TAFA4: variants seen among roughly 807,000 people sequenced by gnomAD.
TAFA4 encodes the protein TAFA chemokine like family member 4.
Under a neutral mutation model 21.1 loss-of-function variants are expected in TAFA4, and 20 were observed. The ratio of observed to expected loss-of-function variants is 0.95; its 90% CI spans 0.67 to 1.38. The LOEUF is 1.38. Among genes scored for constraint, TAFA4 ranks in the 40% most tolerant of loss-of-function variants. The probability of loss-of-function intolerance (pLI) is 0.00; values close to 1 mark genes in which losing one functional copy is unlikely to be tolerated. For missense variants in TAFA4, 211 were observed against 180.9 expected (o/e 1.17, Z -0.95); for synonymous variants, 71 against 67.4 (o/e 1.05, Z -0.26).
At chr3:68,874,168 T>C (rs2089520017) in intron 3 of TAFA4, among the ~76,000 whole-genome samples, 1 of 152,196 alleles carries the variant, frequency 6.6e-6, no homozygotes, top group African/African-American at 2.4e-5. Flanking sequence ...ATAGTTCTTA[T>C]CTGATTTCAG....
At chr3:68,916,902 A>T (rs1462199823) in intron 1 of TAFA4, among the ~76,000 whole-genome samples, 1 of 152,074 alleles carries the variant, frequency 6.6e-6, no homozygotes, top group African/African-American at 2.4e-5. Context: ...ACCACCCAAA[A>T]CTTCTACATA....
chr3:68,746,320 A>G (rs1032691715), intron 4 of TAFA4, among the ~76,000 whole-genome samples: 3 of 150,656 alleles, frequency 2.0e-5, no homozygotes, highest in Non-Finnish European at 4.4e-5. Flanking sequence ...ACTCCCCTTC[A>G]TATATACATC....
At chr3:68,735,864 T>C (rs1043139161) in intron 5 of TAFA4, among the ~76,000 whole-genome samples, 7 of 152,084 alleles carry the variant, frequency 4.6e-5, no homozygotes, top group African/African-American at 1.7e-4. Flanking sequence ...GTCAAATAAT[T>C]GTTGTAGAAG....
At chr3:68,863,905 CT>C (rs1188632596) in intron 3 of TAFA4, among the ~76,000 whole-genome samples, 1 of 152,172 alleles carries the variant, frequency 6.6e-6, no homozygotes, top group East Asian at 1.9e-4. Flanking sequence ...ATAATGAGCA[CT>C]TTTTTACCTA....
At chr3:68,744,593 C>G (rs1037135911) in intron 4 of TAFA4, among the ~76,000 whole-genome samples, 8 of 152,248 alleles carry the variant, frequency 5.3e-5, no homozygotes, top group African/African-American at 1.7e-4. Context: ...CCAGTCAGCA[C>G]TTACTTACTG....
intron 3 of TAFA4, among the ~76,000 whole-genome samples, chr3:68,847,713 C>G (rs1704842754): frequency 6.6e-6 from 1 of 152,118 alleles, no homozygotes; most frequent in Non-Finnish European, 1.5e-5. Flanking sequence ...AGTGCACTGT[C>G]CAAGAGGAAC....
intron 3 of TAFA4, among the ~76,000 whole-genome samples, chr3:68,823,763 C>T (rs1031948055): frequency 1.2e-4 from 18 of 152,168 alleles, no homozygotes; most frequent in Non-Finnish European, 2.6e-4. Flanking sequence ...TCATTCACGT[C>T]CCTACAAAGG....
At chr3:68,931,422 G>C (rs1337782630) in intron 1 of TAFA4, among the ~76,000 whole-genome samples, 4 of 152,242 alleles carry the variant, frequency 2.6e-5, no homozygotes, top group East Asian at 1.9e-4. Flanking sequence ...ATGCTGATTC[G>C]AGAAGAAAAC....
At chr3:68,788,341 C>G (rs1703300021) in intron 3 of TAFA4, among the ~76,000 whole-genome samples, 1 of 152,208 alleles carries the variant, frequency 6.6e-6, no homozygotes, top group Admixed American at 6.5e-5. Context: ...CATTCTTACC[C>G]CAGATATCAT....
chr3:68,748,513 C>G (rs1035342044), intron 4 of TAFA4, among the ~76,000 whole-genome samples: 1 of 152,122 alleles, frequency 6.6e-6, no homozygotes, highest in Non-Finnish European at 1.5e-5. Flanking sequence ...GAGGCCAAGG[C>G]GGGTGGATCA....
Position 68,794,587 on chromosome 3 carries a change from T to C in TAFA4, c.131-41569A>G, listed in dbSNP as rs114473214. On this transcript the variant is annotated intron_variant, in intron 3 of 5. Coordinates refer to ENST00000295569, the MANE Select transcript of TAFA4 (RefSeq NM_182522.5). ...TTTCTGTGACTCCCTCTTTTCATCA[T>C]ATTGCTTTCAAAATTCCACACTGTG... Among the ~76,000 whole-genome samples the C allele has an allele frequency of 4.6e-3, 707 of 152,266 alleles. 3 individuals carry two copies. The highest frequency in any genetic ancestry group is 0.016 in the African/African-American group (674 of 41,550).
At chr3:68,806,842 T>C (rs962198810) in intron 3 of TAFA4, among the ~76,000 whole-genome samples, 1 of 152,148 alleles carries the variant, frequency 6.6e-6, no homozygotes, top group African/African-American at 2.4e-5. Context: ...TAGAACCTAA[T>C]CTTGGCTTCC....
intron 1 of TAFA4, among the ~76,000 whole-genome samples, chr3:68,889,111 A>C (rs1432993315): frequency 6.6e-6 from 1 of 152,222 alleles, no homozygotes; most frequent in East Asian, 1.9e-4. Flanking sequence ...CAGTGTTTTC[A>C]ATGATGAAAG....
At chr3:68,839,934 T>C (rs1299018438) in intron 3 of TAFA4, among the ~76,000 whole-genome samples, 1 of 152,190 alleles carries the variant, frequency 6.6e-6, no homozygotes, top group African/African-American at 2.4e-5. Context: ...AATGAAGCAC[T>C]AGCCACAGAC....
Position 68,891,739 on chromosome 3 carries a change from G to A in TAFA4, c.-122-6429C>T, listed in dbSNP as rs1575660591. On this transcript the variant is annotated intron_variant, in intron 1 of 5. Transcript: ENST00000295569. Reference sequence around the variant, plus strand: ...ATGAGTGGAAGGGTAGGGATGGGGGGAGACTATCCCACTAAGTGATGTCTT... The same window carrying A: ...ATGAGTGGAAGGGTAGGGATGGGGGAAGACTATCCCACTAAGTGATGTCTT... Among the ~76,000 whole-genome samples, 3 of 152,152 alleles carry A rather than the reference G, an allele frequency of 2.0e-5. No individual in the cohort carries two copies. In the East Asian group the frequency reaches 5.8e-4, roughly 29 times the overall value.
chr3:68,736,851 G>T (rs1190101984), intron 5 of TAFA4, among the ~76,000 whole-genome samples: 1 of 152,154 alleles, frequency 6.6e-6, no homozygotes, highest in Non-Finnish European at 1.5e-5. Flanking sequence ...ATGACTTCAA[G>T]ATTATTCTCA....
intron 1 of TAFA4, among the ~76,000 whole-genome samples, chr3:68,891,298 A>G (rs2089727989): frequency 6.6e-6 from 1 of 152,234 alleles, no homozygotes. Context: ...GCAAAAGTAC[A>G]CAGCAAAACA....
chr3:68,788,524 T>A (rs772208514), intron 3 of TAFA4, among the ~76,000 whole-genome samples: 29 of 152,228 alleles, frequency 1.9e-4, no homozygotes, highest in Admixed American at 6.5e-5. Flanking sequence ...TTTGGTGTCA[T>A]AGCCAAAAAA....
chr3:68,788,780 TTTTTATTTTA>T (rs139045193), intron 3 of TAFA4, among the ~76,000 whole-genome samples: 15 of 151,864 alleles, frequency 9.9e-5, no homozygotes, highest in Non-Finnish European at 2.2e-4. Context: ...CCTGGCTAAA[TTTTTATTTTA>T]TTTTATTTTA....
Sources: allele counts gnomAD v4.1 joint callset (sites outside exome capture counted in the v4.1 genomes callset), GRCh38; gene constraint gnomAD v4.1.1; transcripts MANE v1.5; gene names NCBI Gene and HGNC (gene_info 2026-07-23, HGNC 2026-07-21).